Variants in CLDN16 observed in about 807,000 individuals in gnomAD.
CLDN16 encodes claudin-16.
Under a neutral mutation model 24.6 loss-of-function variants are expected in CLDN16, and 13 were observed. That is an observed-to-expected ratio of 0.53 (90% CI 0.34 to 0.84). The LOEUF is 0.84. CLDN16 is among the 40% of genes least tolerant of loss of function. The pLI is 0.01. For synonymous variants in CLDN16, 116 were observed against 106.7 expected (o/e 1.09, Z -0.54); for missense variants, 298 against 292.7 (o/e 1.02, Z -0.13).
intron 1 of CLDN16, among the ~76,000 whole-genome samples, chr3:190,325,501 G>A (rs1238170054): frequency 6.6e-6 from 1 of 152,196 alleles, no homozygotes; most frequent in Non-Finnish European, 1.5e-5. Context: ...CTGTTGAGGA[G>A]GAAGAGATGT....
chr3:190,313,143 A>G, the CLDN16 span: 1 of 1,315,950 alleles, frequency 7.6e-7, no homozygotes, highest in Non-Finnish European at 1.1e-6. Context: ...AGAAAACTGG[A>G]CTAGGAATCT....
chr3:190,300,212 G>C, the CLDN16 span, among the ~76,000 whole-genome samples: 1 of 150,072 alleles, frequency 6.7e-6, no homozygotes, highest in Non-Finnish European at 1.5e-5. Context: ...GCTGTTGGCA[G>C]CTGCTGCAAC....
chr3:190,352,973 A>G (rs1307801645), intron 1 of CLDN16, among the ~76,000 whole-genome samples: 1 of 152,086 alleles, frequency 6.6e-6, no homozygotes, highest in African/African-American at 2.4e-5. Context: ...CTCAGTATCT[A>G]GAAGCTTTAT....
At chr3:190,337,699 A>C (rs1288438749) in intron 1 of CLDN16, among the ~76,000 whole-genome samples, 2 of 152,198 alleles carry the variant, frequency 1.3e-5, no homozygotes, top group Non-Finnish European at 2.9e-5. Context: ...AGCAACAATT[A>C]ATCCTGAGTA....
chr3:190,355,832 T>A (rs60170300), intron 1 of CLDN16, among the ~76,000 whole-genome samples: 25,519 of 151,696 alleles, frequency 0.17, 2,498 homozygotes, highest in East Asian at 0.47. Context: ...AGGAAAAAAG[T>A]GAAGCATTTT....
chr3:190,401,874 A>G (rs2108669935), intron 1 of CLDN16, among the ~76,000 whole-genome samples: 1 of 151,966 alleles, frequency 6.6e-6, no homozygotes, highest in Admixed American at 6.5e-5. Flanking sequence ...ATTTTTCTTC[A>G]TGGAACTCAG....
In CLDN16 at chr3:190,404,640, C is replaced by T. The variant is rs1056354167; in HGVS notation, c.218-122C>T. 3 of 911,158 alleles carry T rather than the reference C, an allele frequency of 3.3e-6. No individual in the cohort carries two copies. The African/African-American group carries it at 4.9e-5, about 15-fold the overall frequency. The allele number at this position is 911,158 out of a possible 1,614,324, so 56.4% of individuals were successfully genotyped here. On this transcript the variant is annotated intron_variant, in intron 2 of 4. Transcript: ENST00000264734. ...ACTTATGTTCAAGTTCATACAAAGT[C>T]TGACTTTTACCGGAGGGGTGTGTTA... is the stretch of plus-strand genomic sequence containing the variant.
At chr3:190,300,777 G>C in the CLDN16 span, among the ~76,000 whole-genome samples, 2 of 152,014 alleles carry the variant, frequency 1.3e-5, no homozygotes, top group African/African-American at 4.8e-5. Context: ...CTCCTTCCCA[G>C]AACACTTAAA....
intron 3 of CLDN16, among the ~76,000 whole-genome samples, chr3:190,377,578 A>T (rs1718272566): frequency 6.6e-6 from 1 of 152,066 alleles, no homozygotes; most frequent in Non-Finnish European, 1.5e-5. Flanking sequence ...GAAAATAAGT[A>T]ACAGTTACTG....
At chr3:190,363,994 G>C (rs1717964121) in intron 1 of CLDN16, among the ~76,000 whole-genome samples, 1 of 151,890 alleles carries the variant, frequency 6.6e-6, no homozygotes, top group Non-Finnish European at 1.5e-5. Flanking sequence ...CTGCCTAATT[G>C]GAGATTGTCT....
intron 1 of CLDN16, among the ~76,000 whole-genome samples, chr3:190,326,354 T>G (rs1230584079): frequency 2.6e-5 from 4 of 152,200 alleles, no homozygotes; most frequent in Non-Finnish European, 5.9e-5. Flanking sequence ...CTGAATGTCA[T>G]AGTTAAATCG....
chr3:190,402,419 CCAT>C lies in CLDN16; in HGVS notation c.198_200del (p.Ile67del). On this transcript the variant is annotated inframe_deletion, in exon 2 of 5. Transcript: ENST00000264734. ...ATTCGCACCTGTGATGAGTACGATT[CCAT>C]ACTTGCGGAGCATCCCTGTACGTAT... is the stretch of plus-strand genomic sequence containing the variant. The C allele has an allele frequency of 6.2e-7, 1 of 1,613,620 alleles. No homozygotes were observed. Among genetic ancestry groups the C allele is most frequent in the Non-Finnish European group, 8.5e-7 (1 of 1,179,654 alleles).
At chr3:190,392,059 C>CTTTT (rs35220103) in intron 1 of CLDN16, among the ~76,000 whole-genome samples, 3 of 126,098 alleles carry the variant, frequency 2.4e-5, no homozygotes, top group African/African-American at 5.7e-5. Flanking sequence ...CCTTTTCAGT[C>CTTTT]TTTTTTTTTT....
chr3:190,389,564 C>T (rs992851948), intron 1 of CLDN16, among the ~76,000 whole-genome samples: 2 of 152,166 alleles, frequency 1.3e-5, no homozygotes, highest in Admixed American at 1.3e-4. Flanking sequence ...TTGAACATGG[C>T]ATTTCAAAAC....
intron 3 of CLDN16, among the ~76,000 whole-genome samples, chr3:190,405,323 GC>G (rs1398889897): frequency 6.6e-6 from 1 of 151,374 alleles, no homozygotes; most frequent in Non-Finnish European, 1.5e-5. Context: ...ACTCGGCGGG[GC>G]TGAGGCAGGA....
intron 1 of CLDN16, among the ~76,000 whole-genome samples, chr3:190,335,246 G>A (rs568226684): frequency 1.0e-3 from 152 of 151,814 alleles, no homozygotes; most frequent in Non-Finnish European, 1.9e-3. Context: ...GTTTCACCAC[G>A]TTGGCCAGGC....
chr3:190,323,184 C>T (rs1716981997), intron 1 of CLDN16, among the ~76,000 whole-genome samples: 1 of 152,156 alleles, frequency 6.6e-6, no homozygotes, highest in South Asian at 2.1e-4. Flanking sequence ...CAGCCCTTCC[C>T]CGCCAAACAC....
rs530707007 is a variant in CLDN16 at position 190,326,768 on chromosome 3, T to G, written n.121+4107T>G. 1.7e-4 allele frequency among the ~76,000 whole-genome samples: 26 copies of G among 152,198 alleles called. 1 individual carries two copies. In the East Asian group the frequency reaches 4.8e-3, roughly 28 times the overall value. On this transcript the variant is annotated intron_variant and non_coding_transcript_variant, in intron 1 of 4. Coordinates refer to the CLDN16 transcript ENST00000468220. ...TAGCAGGTCCATCTCTTCAGAGAAT[T>G]TGGGAGGGGATGAAATTTTAGCCAT...
At chr3:190,319,902 G>A (rs753117835), upstream of CLDN16, among the ~76,000 whole-genome samples, 6 of 152,166 alleles carry the variant, frequency 3.9e-5, no homozygotes, top group Non-Finnish European at 5.9e-5. Flanking sequence ...CATCCCGTGA[G>A]TCACGGCAGG....
Sources: gnomAD v4.1 joint callset for allele counts (sites outside exome capture counted in the v4.1 genomes callset) on GRCh38, gnomAD v4.1.1 for gene constraint, MANE v1.5 for transcripts, NCBI Gene and HGNC (gene_info 2026-07-23, HGNC 2026-07-21) for gene names.